Variants in PDXDC1 observed in about 807,000 individuals in gnomAD.
PDXDC1 encodes pyridoxal-dependent decarboxylase domain-containing protein 1.
Under a neutral mutation model 100.1 loss-of-function variants are expected in PDXDC1, and 42 were observed. The ratio of observed to expected loss-of-function variants is 0.42; its 90% CI spans 0.33 to 0.54. The LOEUF (loss-of-function observed/expected upper bound fraction) is 0.54, where lower values mean the gene tolerates loss of function less well. Among genes scored for constraint, PDXDC1 ranks in the 20% least tolerant of loss-of-function variants. The pLI, the probability that PDXDC1 is intolerant of heterozygous loss-of-function variation, is 0.10. For missense variants in PDXDC1, 636 were observed against 979.2 expected (o/e 0.65, Z 4.68); for synonymous variants, 260 against 371.7 (o/e 0.70, Z 3.46).
chr16:15,034,710 C>T (rs1327146361), intron 21 of PDXDC1, among the ~76,000 whole-genome samples, 157 bp downstream of exon 21: 1 of 152,052 alleles, frequency 6.6e-6, no homozygotes, highest in Non-Finnish European at 1.5e-5. Context: ...TTCTGGTGTG[C>T]CCTGTCCTCC....
intron 16 of PDXDC1, among the ~76,000 whole-genome samples, chr16:15,046,528 G>C (rs1411440694): frequency 6.6e-6 from 1 of 152,022 alleles, no homozygotes; most frequent in Admixed American, 6.6e-5. Context: ...CAGTGAGAGA[G>C]GATGAGGTGC....
At chr16:15,026,936 G>T (rs541460380) in intron 14 of PDXDC1, among the ~76,000 whole-genome samples, 49 of 152,394 alleles carry the variant, frequency 3.2e-4, no homozygotes, top group Non-Finnish European at 5.0e-4. Flanking sequence ...CCCTGGACCA[G>T]TGCTGGAATG....
At chr16:15,089,786 C>CAAAAAAAAAAAAAAAAAAAAAA (rs142235345) in intron 16 of PDXDC1, among the ~76,000 whole-genome samples, 1 of 66,574 alleles carries the variant, frequency 1.5e-5, no homozygotes, top group Non-Finnish European at 2.5e-5. Flanking sequence ...GGCGACAGAG[C>CAAAAAAAAAAAAAAAAAAAAAA]AAAAAAAAAA....
intron 16 of PDXDC1, among the ~76,000 whole-genome samples, chr16:15,056,994 C>T (rs929790875): frequency 1.3e-5 from 2 of 152,076 alleles, no homozygotes; most frequent in African/African-American, 2.4e-5. Flanking sequence ...GGCGTCTCAC[C>T]GTGGAGCTCT....
chr16:14,982,746 T>C (rs1872745993), intron 1 of PDXDC1, among the ~76,000 whole-genome samples: 1 of 152,274 alleles, frequency 6.6e-6, no homozygotes, highest in South Asian at 2.1e-4. Flanking sequence ...CATTATGTTC[T>C]TGCTGTGGCT....
downstream of PDXDC1, chr16:15,038,505 CT>C (rs1293604743): frequency 1.3e-5 from 12 of 926,344 alleles, no homozygotes; most frequent in African/African-American, 1.7e-5. Context: ...GGTCTAAACC[CT>C]TTTTTTCTTA....
In PDXDC1 at chr16:15,094,360, G is replaced by A. The variant is rs1339836996; in HGVS notation, c.1400-44519G>A. 9 of 851,028 alleles carry A rather than the reference G, an allele frequency of 1.1e-5. No individual in the cohort carries two copies. The South Asian group carries it at 1.2e-4, about 11-fold the overall frequency. 52.7% of individuals were successfully genotyped at this position (851,028 alleles called of 1,614,324 possible). ...CCAATCAGCGGCCCCGCGTGGGGAG[G>A]GCGTATGCTCTCGGCGGGCTAGAGC... On this transcript the variant is annotated intron_variant, in intron 16 of 16. Transcript: ENST00000535621.
chr16:15,112,186 G>A (rs1197171220), intron 16 of PDXDC1, among the ~76,000 whole-genome samples: 2 of 148,826 alleles, frequency 1.3e-5, no homozygotes, highest in Admixed American at 1.4e-4. Context: ...CATCTCAGAT[G>A]TGGGTCAGAT....
intron 1 of PDXDC1, among the ~76,000 whole-genome samples, chr16:14,995,428 TA>T (rs1325122217): frequency 2.0e-5 from 3 of 152,416 alleles, no homozygotes; most frequent in African/African-American, 7.2e-5. Context: ...GTTCTGTTTA[TA>T]TGCTGGATTA....
At chr16:15,055,442 C>G (rs1211851575) in intron 16 of PDXDC1, among the ~76,000 whole-genome samples, 2 of 152,182 alleles carry the variant, frequency 1.3e-5, no homozygotes, top group Admixed American at 1.3e-4. Flanking sequence ...AGGCCAAACG[C>G]TCTCCGAAGC....
rs2045027393 is a variant in PDXDC1, at chr16:15,067,454, TA to T, written c.1399+37401del. Among the ~76,000 whole-genome samples, 2 of 88,862 alleles carry T rather than the reference TA, an allele frequency of 2.3e-5. 1 individual carries two copies. Among genetic ancestry groups the T allele is most frequent in the South Asian group, 7.6e-4 (2 of 2,630 alleles). 58.3% of individuals were successfully genotyped at this position (88,862 alleles called of 152,430 possible). On this transcript the variant is annotated intron_variant, in intron 16 of 16. Coordinates refer to the PDXDC1 transcript ENST00000535621. ...CCTAGAGGATCAAATGAGTTCTATG[TA>T]AAGTGCTTAGAACTGCCTGGCACAG...
chr16:15,070,777 G>C (rs1425742978), intron 16 of PDXDC1, among the ~76,000 whole-genome samples: 2 of 151,660 alleles, frequency 1.3e-5, no homozygotes, highest in African/African-American at 4.9e-5. Flanking sequence ...TTTTTCTTCA[G>C]CTTTAACAGA....
rs538790372 is a variant in PDXDC1, at chr16:15,075,070, T to C, written c.1399+45014T>C. On this transcript the variant is annotated intron_variant, in intron 16 of 16. Transcript: ENST00000535621. ...TTTGAGACCAGCCTGGCCAACATGG[T>C]AAAACTCTGTCTCTACTAAAAATAC... is the stretch of plus-strand genomic sequence containing the variant. 2.0e-4 allele frequency among the ~76,000 whole-genome samples: 31 copies of C among 151,680 alleles called. No individual in the cohort carries two copies. In the South Asian group the frequency reaches 4.2e-3, roughly 20 times the overall value.
At chr16:14,976,153 G>C (rs1260425083) in intron 1 of PDXDC1, among the ~76,000 whole-genome samples, 2 of 152,286 alleles carry the variant, frequency 1.3e-5, no homozygotes, top group Non-Finnish European at 2.9e-5. Flanking sequence ...TCCTGCTTTC[G>C]GTACCTGACA....
At chr16:15,149,662 C>T in the PDXDC1 span, among the ~76,000 whole-genome samples, 1 of 152,188 alleles carries the variant, frequency 6.6e-6, no homozygotes, top group Non-Finnish European at 1.5e-5. Context: ...CTGGGTGCTC[C>T]TATATTTTAC....
intron 1 of PDXDC1, among the ~76,000 whole-genome samples, chr16:14,985,193 G>T (rs570334157): frequency 6.6e-6 from 1 of 151,754 alleles, no homozygotes; most frequent in African/African-American, 2.4e-5. Context: ...TTTTTAAAGT[G>T]ACTAGTTCAT....
intron 14 of PDXDC1, among the ~76,000 whole-genome samples, chr16:15,028,048 G>GT (rs2042757078): frequency 6.6e-6 from 1 of 152,266 alleles, no homozygotes; most frequent in African/African-American, 2.4e-5. Flanking sequence ...GAGCCCCTGG[G>GT]TATCTTACCA....
At chr16:15,021,360 G>A (rs558792269) in intron 12 of PDXDC1, among the ~76,000 whole-genome samples, 1 of 152,376 alleles carries the variant, frequency 6.6e-6, no homozygotes, top group East Asian at 1.9e-4. Flanking sequence ...ACTCCAGCCT[G>A]GGCGACAGAG....
intron 1 of PDXDC1, among the ~76,000 whole-genome samples, chr16:14,984,146 A>C (rs1300602253): frequency 6.6e-6 from 1 of 152,044 alleles, no homozygotes; most frequent in African/African-American, 2.4e-5. Context: ...TGGGTGACAG[A>C]GTGAGACCCT....
Sources: gnomAD v4.1 joint callset for allele counts (sites outside exome capture counted in the v4.1 genomes callset) on GRCh38, gnomAD v4.1.1 for gene constraint, MANE v1.5 for transcripts, NCBI Gene and HGNC (gene_info 2026-07-23, HGNC 2026-07-21) for gene names.